The following TNPO1 variants were observed in gnomAD, a reference collection of about 807,000 sequenced individuals.
TNPO1 encodes the protein transportin 1.
Under a neutral mutation model 119.5 loss-of-function variants are expected in TNPO1, and 8 were observed. The ratio of observed to expected loss-of-function variants is 0.07; its 90% CI spans 0.04 to 0.12. The LOEUF (loss-of-function observed/expected upper bound fraction) is 0.12, where lower values mean the gene tolerates loss of function less well. Ranked by LOEUF, TNPO1 falls within the 10% of genes least tolerant of loss-of-function variation. The pLI is 1.00. For missense variants in TNPO1, 576 were observed against 1,089.8 expected (o/e 0.53, Z 6.64); for synonymous variants, 362 against 363.0 (o/e 1.00, Z 0.03).
At position 72,844,771 on chromosome 5, in the gene TNPO1, T is replaced by A. The variant is rs1745057440; in HGVS notation, c.16-3614T>A. 5.3e-5 allele frequency among the ~76,000 whole-genome samples: 8 copies of A among 152,214 alleles called. No homozygotes were observed. The South Asian group carries it at 1.7e-3, about 32-fold the overall frequency. On this transcript the variant is annotated intron_variant, in intron 1 of 24. Transcript: ENST00000337273. ...AGAACTAGAATTCAAACGTGGTCAGTTGAGTCCATATCTCCAGTCTGCTTT... is the reference window on the plus strand; with the variant it reads ...AGAACTAGAATTCAAACGTGGTCAGATGAGTCCATATCTCCAGTCTGCTTT...
At chr5:72,845,186 A>G (rs1173227507) in intron 1 of TNPO1, among the ~76,000 whole-genome samples, 1 of 151,710 alleles carries the variant, frequency 6.6e-6, no homozygotes, top group East Asian at 1.9e-4. Context: ...TTGAAGTACT[A>G]CTTCCTTTTT....
intron 1 of TNPO1, among the ~76,000 whole-genome samples, chr5:72,840,589 G>GCACTATTAATT (rs1744866778): frequency 6.6e-6 from 1 of 152,086 alleles, no homozygotes; most frequent in African/African-American, 2.4e-5. Flanking sequence ...TCATAGTGCT[G>GCACTATTAATT]TTGTGAATAT....
intron 3 of TNPO1, among the ~76,000 whole-genome samples, chr5:72,852,100 T>C (rs899735289): frequency 1.3e-5 from 2 of 152,214 alleles, no homozygotes; most frequent in African/African-American, 2.4e-5. Flanking sequence ...TTTAAAATTA[T>C]TTAGCAAAAA....
At chr5:72,822,908 CTT>C (rs56331096) in intron 1 of TNPO1, among the ~76,000 whole-genome samples, 39,873 of 75,628 alleles carry the variant, frequency 0.53, 9,515 homozygotes, top group Admixed American at 0.66. Flanking sequence ...TGGGTCTACA[CTT>C]TTTTTTTTTT....
chr5:72,833,349 G>T (rs1744562042), intron 1 of TNPO1, among the ~76,000 whole-genome samples: 1 of 152,150 alleles, frequency 6.6e-6, no homozygotes, highest in Non-Finnish European at 1.5e-5. Flanking sequence ...ACCTCCCTAA[G>T]TGCTGGTATT....
rs986140620 is a variant in TNPO1, at chr5:72,893,445, A to G, written c.1965A>G (p.Leu655=). The part of the protein sequence containing the change: ...DKDFMIVALD[L]LSGLAEGLGG... ...ATTTTATGATAGTGGCTCTTGATTT[A>G]CTGAGTGGCCTGGCTGAAGGACTTG... The change falls in exon 17 of 25, where the codon TTA becomes TTG. Residue 655 remains leucine, a synonymous_variant. Coordinates refer to ENST00000337273, the MANE Select transcript of TNPO1 (RefSeq NM_002270.4). The G allele has an allele frequency of 6.2e-7, 1 of 1,614,204 alleles. No homozygotes were observed.
intron 14 of TNPO1, among the ~76,000 whole-genome samples, chr5:72,890,330 G>T (rs1278565654): frequency 6.6e-6 from 1 of 152,128 alleles, no homozygotes; most frequent in Non-Finnish European, 1.5e-5. Context: ...AGACATCTTT[G>T]TTTTTTCAGC....
chr5:72,885,840 T>G (rs754671263), intron 11 of TNPO1, among the ~76,000 whole-genome samples: 2 of 151,946 alleles, frequency 1.3e-5, no homozygotes, highest in Admixed American at 1.3e-4. Flanking sequence ...TGATATTTTC[T>G]TAGTCCATTT....
chr5:72,886,381 TTAA>T (rs1269841419), intron 11 of TNPO1, among the ~76,000 whole-genome samples: 6 of 152,242 alleles, frequency 3.9e-5, no homozygotes, highest in Admixed American at 6.5e-5. Flanking sequence ...TTAAGTAGAG[TTAA>T]TAATGTATGT....
In TNPO1 at chr5:72,905,297, T is replaced by C; in HGVS notation, c.2590-6T>C. 2 of 1,604,170 alleles carry C rather than the reference T, an allele frequency of 1.2e-6. No individual in the cohort carries two copies. Among genetic ancestry groups the C allele is most frequent in the South Asian group, 2.2e-5 (2 of 89,914 alleles). Reference sequence around the variant, plus strand: ...TTGATAAATTAATGGTTTTTCACTCTTACAGATCCTTCATGGATTTAAAAA... The same window carrying C: ...TTGATAAATTAATGGTTTTTCACTCCTACAGATCCTTCATGGATTTAAAAA... On this transcript the variant is annotated splice_polypyrimidine_tract_variant and splice_region_variant and intron_variant, in intron 23 of 24. Coordinates refer to ENST00000337273, the MANE Select transcript of TNPO1 (RefSeq NM_002270.4).
intron 1 of TNPO1, among the ~76,000 whole-genome samples, chr5:72,843,526 G>A (rs541718847): frequency 5.3e-5 from 8 of 151,674 alleles, no homozygotes; most frequent in African/African-American, 1.7e-4. Flanking sequence ...CCTGAGAGGC[G>A]GACGTTGCAG....
intron 21 of TNPO1, 57 bp downstream of exon 21, chr5:72,900,138 A>C: frequency 1.4e-6 from 2 of 1,434,230 alleles, no homozygotes; most frequent in Non-Finnish European, 1.9e-6. Context: ...TTCTTTCTCT[A>C]TCTCACTTTT....
At chr5:72,898,669 A>G (rs1469988349) in intron 20 of TNPO1, among the ~76,000 whole-genome samples, 1 of 151,968 alleles carries the variant, frequency 6.6e-6, no homozygotes, top group Non-Finnish European at 1.5e-5. Context: ...CTTTTTTCCG[A>G]TTAGTATATC....
chr5:72,885,571 T>C (rs1220348520), intron 11 of TNPO1, among the ~76,000 whole-genome samples: 6 of 152,196 alleles, frequency 3.9e-5, no homozygotes, highest in Non-Finnish European at 8.8e-5. Flanking sequence ...TTTCTTTCTG[T>C]GTATCGTATG....
chr5:72,906,264 CTTTTTTTTTTCTTTTTTTTTTTTTT>C (rs1248569941), intron 24 of TNPO1, among the ~76,000 whole-genome samples: 1 of 90,238 alleles, frequency 1.1e-5, no homozygotes, highest in East Asian at 3.4e-4. Context: ...GTGCCCATCA[CTTTTTTTTTTCTTTTTTTTTTTTTT>C]TTTTTTTTTT....
At chr5:72,842,483 C>A (rs916425996) in intron 1 of TNPO1, among the ~76,000 whole-genome samples, 1 of 152,176 alleles carries the variant, frequency 6.6e-6, no homozygotes, top group Non-Finnish European at 1.5e-5. Context: ...GCTTGGCACT[C>A]AAAAATATTA....
rs1289413801 is a variant in TNPO1 at position 72,901,980 on chromosome 5, C to G, written c.2514+907C>G. ...AATCCCAGCTCTCGGGAGGTTGAGG[C>G]AGGAGAATTGCTTGAACCCGGGAGG... On this transcript the variant is annotated intron_variant, in intron 22 of 24. Transcript: ENST00000337273. Among the ~76,000 whole-genome samples the G allele has an allele frequency of 4.6e-5, 7 of 151,792 alleles. No individual in the cohort carries two copies. The East Asian group carries it at 1.4e-3, about 30-fold the overall frequency.
At chr5:72,841,120 T>TCTC (rs3029083) in intron 1 of TNPO1, among the ~76,000 whole-genome samples, 1 of 131,886 alleles carries the variant, frequency 7.6e-6, no homozygotes, top group African/African-American at 2.8e-5. Flanking sequence ...ACTCTCTCTC[T>TCTC]TTTTTTTTTT....
At chr5:72,904,448 G>A (rs564716935) in intron 23 of TNPO1, among the ~76,000 whole-genome samples, 178 of 152,258 alleles carry the variant, frequency 1.2e-3, no homozygotes, top group African/African-American at 4.1e-3. Context: ...CATATGCTAT[G>A]AGGTACTTTT....
Sources: gnomAD v4.1 joint callset for allele counts (sites outside exome capture counted in the v4.1 genomes callset) on GRCh38, gnomAD v4.1.1 for gene constraint, MANE v1.5 for transcripts, NCBI Gene and HGNC (gene_info 2026-07-23, HGNC 2026-07-21) for gene names.